The following GRB10 variants were observed in gnomAD, a reference collection of about 807,000 sequenced individuals.
The protein encoded by GRB10 is growth factor receptor bound protein 10, also known as growth factor receptor-bound protein 10.
In GRB10, 20 loss-of-function variants were observed where a neutral mutation model predicts 80.9. The observed-to-expected ratio is 0.25, with a 90% CI of 0.17 to 0.36. GRB10 has a LOEUF of 0.36. GRB10 is among the 10% of genes least tolerant of loss of function. The probability of loss-of-function intolerance (pLI) is 1.00; values close to 1 mark genes in which losing one functional copy is unlikely to be tolerated. For missense variants in GRB10, 548 were observed against 747.7 expected, an observed-to-expected ratio of 0.73 and a Z score of 3.12; for synonymous variants, 291 against 291.5, an observed-to-expected ratio of 1.00 and a Z score of 0.02.
At chr7:50,792,761 G>A (rs1339631825) in intron 1 of GRB10, 9 of 241,318 alleles carry the variant, frequency 3.7e-5, no homozygotes, top group African/African-American at 1.1e-4. Context: ...CCGCCGCGCA[G>A]TCGGAGCACC....
chr7:50,718,653 A>G (rs901115135), intron 4 of GRB10, among the ~76,000 whole-genome samples: 4 of 152,130 alleles, frequency 2.6e-5, no homozygotes, highest in Non-Finnish European at 2.9e-5. Context: ...CTTTACTCCA[A>G]AGTAATTTGT....
chr7:50,609,934 T>C (rs965453231), intron 13 of GRB10, among the ~76,000 whole-genome samples: 1 of 152,188 alleles, frequency 6.6e-6, no homozygotes, highest in African/African-American at 2.4e-5. Context: ...GATTTATTCA[T>C]TTTTTTCAAG....
intron 2 of GRB10, among the ~76,000 whole-genome samples, chr7:50,778,407 C>G (rs1464907438): frequency 1.3e-5 from 2 of 152,116 alleles, no homozygotes; most frequent in Non-Finnish European, 2.9e-5. Context: ...CCCATGGAGC[C>G]CATCAATGCA....
At chr7:50,645,936 T>C (rs1469024863) in intron 7 of GRB10, among the ~76,000 whole-genome samples, 1 of 152,186 alleles carries the variant, frequency 6.6e-6, no homozygotes, top group Non-Finnish European at 1.5e-5. Context: ...CATCGTATTA[T>C]AAGTGACATA....
chr7:50,748,835 C>A (rs1247583022), intron 3 of GRB10, among the ~76,000 whole-genome samples: 1 of 152,178 alleles, frequency 6.6e-6, no homozygotes, highest in African/African-American at 2.4e-5. Flanking sequence ...GAGAGTGAGA[C>A]CCACGTGTGC....
At chr7:50,709,593 C>T (rs1389223140) in intron 4 of GRB10, among the ~76,000 whole-genome samples, 1 of 151,038 alleles carries the variant, frequency 6.6e-6, no homozygotes, top group African/African-American at 2.4e-5. Context: ...CCGCGCCCTC[C>T]GGAGGGTGCC....
At chr7:50,595,601 TTACACACA>T in intron 17 of GRB10, 71 bp from the exon 18 acceptor site, 1 of 556,350 alleles carries the variant, frequency 1.8e-6, no homozygotes, top group African/African-American at 3.7e-5. Context: ...ACACACTCTC[TTACACACA>T]CACACACACA....
In GRB10 at chr7:50,635,741, T is replaced by C. The variant is rs554915855; in HGVS notation, c.505-8763A>G. Among the ~76,000 whole-genome samples the C allele has an allele frequency of 1.4e-4, 21 of 152,150 alleles. No individual in the cohort carries two copies. The South Asian group carries it at 4.4e-3, about 32-fold the overall frequency. Reference sequence around the variant, plus strand: ...AGAAATACAAAAGATCATCACAGATTATTATGAACATCTCTATCCACACAA... The same window carrying C: ...AGAAATACAAAAGATCATCACAGATCATTATGAACATCTCTATCCACACAA... On this transcript the variant is annotated intron_variant, in intron 7 of 18. Transcript: ENST00000401949.
intron 5 of GRB10, among the ~76,000 whole-genome samples, chr7:50,677,938 C>T (rs1253054296): frequency 6.6e-6 from 1 of 152,186 alleles, no homozygotes; most frequent in Non-Finnish European, 1.5e-5. Flanking sequence ...TTTAATCCTG[C>T]TTTGGAAATA....
rs764492073 is a variant in GRB10 at position 50,618,051 on chromosome 7, G to C, written c.846+20C>G. On this transcript the variant is annotated intron_variant, in intron 10 of 18. Transcript: ENST00000401949. ...TATTCAGAAAGTCTATTTCAGCAGA[G>C]ATCTATTGTGGCCCAGTACCTGCAA... 4 of 1,587,380 alleles carry C rather than the reference G, an allele frequency of 2.5e-6. No individual in the cohort carries two copies. The East Asian group carries it at 6.7e-5, about 27-fold the overall frequency.
Position 50,732,306 on chromosome 7 carries a change from C to A in GRB10, c.17G>T (p.Cys6Phe), listed in dbSNP as rs750904239. MALAG[C>F]PDSFLHHPYY... is the part of the protein sequence containing the mutation. ...CGGATGGTGCAAAAAGGAATCTGGG[C>A]AGCCGGCTAAAGCCATGGGTTCCTT... Residue 6 changes from cysteine to phenylalanine, a missense_variant, in exon 4 of 19, where the codon TGC (cysteine) becomes TTC (phenylalanine). By Grantham distance (205) the Cys-to-Phe change is radical (BLOSUM62 -2). Coordinates refer to ENST00000401949, the MANE Select transcript of GRB10 (RefSeq NM_001350814.2). 3.7e-6 allele frequency: 6 copies of A among 1,614,022 alleles called. No individual in the cohort carries two copies. The highest frequency in any genetic ancestry group is 5.1e-6 in the Non-Finnish European group (6 of 1,179,994).
intron 3 of GRB10, among the ~76,000 whole-genome samples, chr7:50,739,022 T>A (rs1241748493): frequency 6.6e-6 from 1 of 152,184 alleles, no homozygotes; most frequent in African/African-American, 2.4e-5. Context: ...ATGATAAAGC[T>A]TAAACTTCTT....
intron 5 of GRB10, among the ~76,000 whole-genome samples, chr7:50,688,488 A>C (rs2062376497): frequency 6.6e-6 from 1 of 152,108 alleles, no homozygotes; most frequent in Non-Finnish European, 1.5e-5. Context: ...CACTCAAAAG[A>C]GGTTAAATCA....
Position 50,718,081 on chromosome 7 carries a change from G to A in GRB10, c.52-14173C>T, listed in dbSNP as rs530740298. 4.6e-5 allele frequency among the ~76,000 whole-genome samples: 7 copies of A among 152,324 alleles called. No individual in the cohort carries two copies. The East Asian group carries it at 7.7e-4, about 17-fold the overall frequency. On this transcript the variant is annotated intron_variant, in intron 4 of 18. Transcript: ENST00000401949. ...CAGACAATTCCAGCCCACTGACTAA[G>A]TGCCAGGACAAAGAGGGGACAGGGG...
rs141517626 is a variant in GRB10, at chr7:50,763,266, A to G, written c.-216-7210T>C. Among the ~76,000 whole-genome samples, 8 of 152,362 alleles carry G rather than the reference A, an allele frequency of 5.3e-5. No individual in the cohort carries two copies. The East Asian group carries it at 1.5e-3, about 29-fold the overall frequency. On this transcript the variant is annotated intron_variant, in intron 2 of 18. Transcript: ENST00000401949. Reference sequence around the variant, plus strand: ...GAGGATAGAAGCAAACAATTTGCAAAACAGACATGTGAAACATGCTAAACT... The same window carrying G: ...GAGGATAGAAGCAAACAATTTGCAAGACAGACATGTGAAACATGCTAAACT...
intron 2 of GRB10, among the ~76,000 whole-genome samples, chr7:50,775,170 AAAAC>A (rs576099615): frequency 0.082 from 9,202 of 111,594 alleles, 2,023 homozygotes; most frequent in East Asian, 0.22. Context: ...CCAAAAAAAA[AAAAC>A]AAAAAAAAAC....
At chr7:50,682,854 G>A (rs13241205) in intron 5 of GRB10, among the ~76,000 whole-genome samples, 77,624 of 152,108 alleles carry the variant, frequency 0.51, 20,061 homozygotes, top group Admixed American at 0.56. Flanking sequence ...CGCTCACACT[G>A]AAATGTTGCA....
intron 10 of GRB10, 52 bp downstream of exon 10, chr7:50,618,019 G>A: frequency 7.3e-7 from 1 of 1,373,288 alleles, no homozygotes; most frequent in Non-Finnish European, 1.0e-6. Flanking sequence ...AGTTCCAAGA[G>A]GATTTCTATT....
At chr7:50,664,765 GC>G (rs2059630178) in intron 7 of GRB10, among the ~76,000 whole-genome samples, 1 of 152,182 alleles carries the variant, frequency 6.6e-6, no homozygotes, top group Non-Finnish European at 1.5e-5. Flanking sequence ...GGAGCATGGT[GC>G]TTGGCCTCAG....
Sources: allele counts gnomAD v4.1 joint callset (sites outside exome capture counted in the v4.1 genomes callset), GRCh38; gene constraint gnomAD v4.1.1; transcripts MANE v1.5; gene names NCBI Gene and HGNC (gene_info 2026-07-23, HGNC 2026-07-21).